GABRB1: variants seen among roughly 807,000 people sequenced by gnomAD.
The protein encoded by GABRB1 is gamma-aminobutyric acid type A receptor subunit beta1.
Under a neutral mutation model 51.6 loss-of-function variants are expected in GABRB1, and 17 were observed. The observed-to-expected ratio is 0.33, with a 90% CI of 0.23 to 0.49. The LOEUF is 0.49. GABRB1 is among the 20% of genes least tolerant of loss of function. The pLI, the probability that GABRB1 is intolerant of heterozygous loss-of-function variation, is 0.99. For missense variants in GABRB1, 410 were observed against 600.6 expected, an observed-to-expected ratio of 0.68 and a Z score of 3.32; for synonymous variants, 247 against 218.9, an observed-to-expected ratio of 1.13 and a Z score of -1.14.
At chr4:47,108,156 A>T (rs1715049616) in intron 3 of GABRB1, among the ~76,000 whole-genome samples, 1 of 152,062 alleles carries the variant, frequency 6.6e-6, no homozygotes, top group South Asian at 2.1e-4. Context: ...CCACAATCGG[A>T]ATCCCTCAGA....
chr4:47,305,952 C>G (rs933524868), intron 4 of GABRB1, among the ~76,000 whole-genome samples: 4 of 151,990 alleles, frequency 2.6e-5, no homozygotes, highest in Admixed American at 2.6e-4. Context: ...AGGTAATGTG[C>G]TGACCTCATA....
chr4:47,269,935 T>TAC (rs10639386), intron 4 of GABRB1, among the ~76,000 whole-genome samples: 14,630 of 135,912 alleles, frequency 0.11, 953 homozygotes, highest in African/African-American at 0.17. Flanking sequence ...CAACTCTCCC[T>TAC]ACACACACAC....
intron 4 of GABRB1, among the ~76,000 whole-genome samples, chr4:47,274,500 C>T (rs1465884656): frequency 1.3e-5 from 2 of 152,122 alleles, no homozygotes; most frequent in Non-Finnish European, 2.9e-5. Flanking sequence ...CTATGACTAT[C>T]TATGAGCTAT....
intron 5 of GABRB1, among the ~76,000 whole-genome samples, chr4:47,338,552 G>A (rs191492316): frequency 1.9e-4 from 29 of 152,074 alleles, no homozygotes; most frequent in African/African-American, 6.8e-4. Flanking sequence ...ATTCCTTTTA[G>A]GCTTGTGATC....
intron 1 of GABRB1, among the ~76,000 whole-genome samples, chr4:46,999,473 A>G (rs915321392): frequency 2.6e-5 from 4 of 152,236 alleles, no homozygotes; most frequent in African/African-American, 9.6e-5. Context: ...AAACTTAGAA[A>G]CAAATTAAAT....
At chr4:47,400,521 A>T in intron 5 of GABRB1, among the ~76,000 whole-genome samples, 1 of 97,382 alleles carries the variant, frequency 1.0e-5, no homozygotes. Flanking sequence ...ATGCACCAGG[A>T]GGTAGTCTCT....
chr4:47,292,871 A>T (rs951080421), intron 4 of GABRB1, among the ~76,000 whole-genome samples: 4 of 152,044 alleles, frequency 2.6e-5, no homozygotes, highest in Admixed American at 2.0e-4. Flanking sequence ...TAATGAGCCC[A>T]CTCTCATGAT....
At position 47,188,869 on chromosome 4, in the gene GABRB1, G is replaced by A. The variant is rs541581540; in HGVS notation, c.461+27400G>A. Among the ~76,000 whole-genome samples the A allele has an allele frequency of 6.6e-5, 10 of 152,038 alleles. No homozygotes were observed. In the South Asian group the frequency reaches 1.9e-3, roughly 28 times the overall value. On this transcript the variant is annotated intron_variant, in intron 4 of 8. Coordinates refer to ENST00000295454, the MANE Select transcript of GABRB1 (RefSeq NM_000812.4). ...TTGGTTTGGGCATTACAATAAATGT[G>A]CATCAATATCTGACAAATAACTCAT...
chr4:47,066,879 C>T (rs1308934411), intron 3 of GABRB1, among the ~76,000 whole-genome samples: 2 of 152,108 alleles, frequency 1.3e-5, no homozygotes, highest in African/African-American at 2.4e-5. Context: ...GAATCCTTTC[C>T]AGAAGGTTTT....
At chr4:47,220,072 A>G (rs1436971584) in intron 4 of GABRB1, among the ~76,000 whole-genome samples, 1 of 151,990 alleles carries the variant, frequency 6.6e-6, no homozygotes, top group Non-Finnish European at 1.5e-5. Flanking sequence ...CTCAAACCAC[A>G]ATATATATTT....
chr4:47,072,891 G>A (rs1727398399), intron 3 of GABRB1, among the ~76,000 whole-genome samples: 3 of 152,070 alleles, frequency 2.0e-5, no homozygotes, highest in African/African-American at 4.8e-5. Context: ...AATCAGCATT[G>A]TTAATGTGAC....
intron 5 of GABRB1, among the ~76,000 whole-genome samples, chr4:47,368,218 T>C (rs558883230): frequency 7.9e-5 from 12 of 152,142 alleles, no homozygotes; most frequent in Non-Finnish European, 1.8e-4. Flanking sequence ...AGTCAACATA[T>C]AAATATCCTC....
chr4:47,285,820 C>A (rs1182267489), intron 4 of GABRB1, among the ~76,000 whole-genome samples: 2 of 152,128 alleles, frequency 1.3e-5, no homozygotes, highest in Non-Finnish European at 2.9e-5. Flanking sequence ...AATTGTTTGA[C>A]TTTTTGAAGA....
chr4:47,316,536 A>G (rs1724897526), intron 4 of GABRB1, among the ~76,000 whole-genome samples: 1 of 151,860 alleles, frequency 6.6e-6, no homozygotes, highest in African/African-American at 2.4e-5. Context: ...TGCAATAAAT[A>G]TGAGAATGTC....
chr4:47,247,910 G>T (rs1046739901), intron 4 of GABRB1, among the ~76,000 whole-genome samples: 1 of 151,980 alleles, frequency 6.6e-6, no homozygotes, highest in African/African-American at 2.4e-5. Flanking sequence ...GGAGCTTTCT[G>T]GAGGAGTCTT....
At chr4:47,370,374 C>G (rs542660135) in intron 5 of GABRB1, among the ~76,000 whole-genome samples, 4 of 151,960 alleles carry the variant, frequency 2.6e-5, no homozygotes, top group African/African-American at 9.7e-5. Context: ...GTAGTCCCAG[C>G]TACTCGGGAG....
intron 3 of GABRB1, among the ~76,000 whole-genome samples, chr4:47,047,498 A>C (rs1292277742): frequency 6.6e-6 from 1 of 152,136 alleles, no homozygotes; most frequent in East Asian, 1.9e-4. Context: ...TGTGATTTGA[A>C]CCTAGATAAT....
intron 5 of GABRB1, among the ~76,000 whole-genome samples, chr4:47,343,885 A>G (rs1725993279): frequency 6.6e-6 from 1 of 152,212 alleles, no homozygotes; most frequent in Non-Finnish European, 1.5e-5. Context: ...AGAAACTTTT[A>G]GTAACTTGCT....
intron 4 of GABRB1, among the ~76,000 whole-genome samples, chr4:47,196,984 A>C (rs893725661): frequency 6.6e-6 from 1 of 152,224 alleles, no homozygotes; most frequent in African/African-American, 2.4e-5. Flanking sequence ...CACTTAGTGT[A>C]TACTTGTTGA....
Sources: gnomAD v4.1 joint callset for allele counts (sites outside exome capture counted in the v4.1 genomes callset) on GRCh38, gnomAD v4.1.1 for gene constraint, MANE v1.5 for transcripts, NCBI Gene and HGNC (gene_info 2026-07-23, HGNC 2026-07-21) for gene names.